The following OPA3 variants were observed in gnomAD, a reference collection of about 807,000 sequenced individuals.
OPA3 encodes the protein outer mitochondrial membrane lipid metabolism regulator OPA3, also known as optic atrophy 3 protein.
In OPA3, 6 loss-of-function variants were observed where a neutral mutation model predicts 4.0. That is an observed-to-expected ratio of 1.51 (90% CI 0.83 to 2.99). The LOEUF (loss-of-function observed/expected upper bound fraction) is 2.99, where lower values mean the gene tolerates loss of function less well. Among genes scored for constraint, OPA3 ranks in the 30% most tolerant of loss-of-function variants. The pLI is 0.00. For missense variants in OPA3, 235 were observed against 256.2 expected, an observed-to-expected ratio of 0.92 and a Z score of 0.56; for synonymous variants, 105 against 117.1, an observed-to-expected ratio of 0.90 and a Z score of 0.67.
chr19:45,538,314 A>C (rs1369184539), intron 1 of OPA3, among the ~76,000 whole-genome samples: 1 of 151,970 alleles, frequency 6.6e-6, no homozygotes, highest in East Asian at 1.9e-4. Context: ...CCAGCTCATC[A>C]GGAGGCTGAG....
At chr19:45,529,390 G>A (rs1852515527) in exon 2 of OPA3, 2 of 1,614,106 alleles carry the variant, frequency 1.2e-6, no homozygotes, top group South Asian at 1.1e-5. Context: ...CTCGTTCAGC[G>A]GCTTGATGGC....
chr19:45,535,762 CTTT>C (rs370775683), intron 1 of OPA3, among the ~76,000 whole-genome samples: 1 of 122,952 alleles, frequency 8.1e-6, no homozygotes, highest in Non-Finnish European at 1.7e-5. Flanking sequence ...TTTTTCTTTT[CTTT>C]TTTTTTTTTT....
intron 1 of OPA3, among the ~76,000 whole-genome samples, chr19:45,572,311 CATATAT>C (rs1969681404): frequency 8.4e-6 from 1 of 119,510 alleles, no homozygotes; most frequent in Non-Finnish European, 1.8e-5. Context: ...TATATATCGA[CATATAT>C]GAGATATATA....
intron 1 of OPA3, among the ~76,000 whole-genome samples, chr19:45,560,298 G>C (rs746911062): frequency 3.2e-4 from 48 of 152,132 alleles, no homozygotes; most frequent in Non-Finnish European, 6.0e-4. Context: ...GACTGCTCTG[G>C]GTCCTCACTG....
chr19:45,566,627 T>C (rs548634297), intron 1 of OPA3, among the ~76,000 whole-genome samples: 2 of 150,338 alleles, frequency 1.3e-5, no homozygotes, highest in Non-Finnish European at 3.0e-5. Flanking sequence ...CGTGCCACCA[T>C]GCCCAGCTAA....
intron 1 of OPA3, among the ~76,000 whole-genome samples, chr19:45,583,887 G>A (rs1022020917): frequency 2.6e-5 from 4 of 152,206 alleles, no homozygotes; most frequent in African/African-American, 7.2e-5. Context: ...CAGTTCCTCT[G>A]AGCTCCGGGG....
At chr19:45,554,520 G>T (rs1969391995) in intron 1 of OPA3, among the ~76,000 whole-genome samples, 1 of 152,224 alleles carries the variant, frequency 6.6e-6, no homozygotes, top group South Asian at 2.1e-4. Flanking sequence ...CTTGGTGGGA[G>T]CTCAAGAGGT....
intron 1 of OPA3, 170 bp downstream of exon 1, chr19:45,584,453 C>T: frequency 1.0e-6 from 1 of 984,692 alleles, no homozygotes; most frequent in East Asian, 1.1e-4. Flanking sequence ...GCCCCGCCCT[C>T]ACTACTGGGC....
At chr19:45,568,096 T>C (rs192744802) in intron 1 of OPA3, among the ~76,000 whole-genome samples, 1 of 152,212 alleles carries the variant, frequency 6.6e-6, no homozygotes, top group African/African-American at 2.4e-5. Flanking sequence ...CCTCCAAAGG[T>C]CAAGTGATTC....
Position 45,553,882 on chromosome 19 carries a change from T to C in OPA3, c.172A>G (p.Met58Val). 2 of 1,610,028 alleles carry C rather than the reference T, an allele frequency of 1.2e-6. No homozygotes were observed. The highest frequency in any genetic ancestry group is 8.5e-7 in the Non-Finnish European group (1 of 1,177,016). Residue 58 changes from methionine to valine, a missense_variant, in exon 2 of 2, where the codon ATG becomes GTG. Transcript: ENST00000263275. ...LYHWVEMRTK[M>V]RIMGFRGTVI... is the part of the protein sequence containing the mutation. ...GTGCCCCGGAAGCCCATGATGCGCA[T>C]CTTGGTCCGCATCTCCACCCAGTGA... is the stretch of plus-strand genomic sequence containing the variant.
chr19:45,572,849 A>AT (rs1052668611), intron 1 of OPA3, among the ~76,000 whole-genome samples: 27 of 142,602 alleles, frequency 1.9e-4, no homozygotes, highest in East Asian at 6.1e-4. Context: ...ATCTATATAT[A>AT]TTTTTTTTTT....
Position 45,529,118 on chromosome 19 carries a change from C to T in OPA3, c.481G>A (p.Ala161Thr), listed in dbSNP as rs1445523438. The T allele has an allele frequency of 5.6e-6, 9 of 1,606,386 alleles. No homozygotes were observed. Among genetic ancestry groups the T allele is most frequent in the Non-Finnish European group, 6.8e-6 (8 of 1,176,406 alleles). ...GGCGGGTCTCGGAGGCAGAGGTGGG[C>T]TCGCACCTCCTGCAGCTGAGCGCGC... Residue 161 changes from alanine to threonine, a missense_variant, in exon 2 of 2, where the codon GCC (alanine) becomes ACC (threonine). Physicochemically the swap from Ala to Thr is moderately conservative, Grantham distance 58. Transcript: ENST00000323060.
At chr19:45,570,978 T>TGGCG (rs1969654876) in intron 1 of OPA3, among the ~76,000 whole-genome samples, 1 of 66,168 alleles carries the variant, frequency 1.5e-5, no homozygotes, top group African/African-American at 5.6e-5. Flanking sequence ...CAAAACTATT[T>TGGCG]GGGGGGGGGG....
Position 45,580,262 on chromosome 19 carries a change from G to A in OPA3, c.142+4361C>T, listed in dbSNP as rs1245035764. ...GCCCACCTTGGCCTCCCAAAGTGTT[G>A]GGATTACAGGCGCGAGCCACTGCAC... On this transcript the variant is annotated intron_variant, in intron 1 of 1. Coordinates refer to ENST00000263275, the MANE Select transcript of OPA3 (RefSeq NM_025136.4). Among the ~76,000 whole-genome samples the A allele has an allele frequency of 2.0e-5, 3 of 150,222 alleles. No individual in the cohort carries two copies. The East Asian group carries it at 5.9e-4, about 29-fold the overall frequency.
chr19:45,556,118 T>G (rs916685730), intron 1 of OPA3, among the ~76,000 whole-genome samples: 21 of 152,108 alleles, frequency 1.4e-4, no homozygotes, highest in African/African-American at 4.8e-4. Flanking sequence ...ACTTGTCAAC[T>G]TGAAAATGCA....
intron 1 of OPA3, among the ~76,000 whole-genome samples, chr19:45,581,200 A>T (rs373693433): frequency 6.6e-6 from 1 of 152,218 alleles, no homozygotes; most frequent in African/African-American, 2.4e-5. Flanking sequence ...GAAATCTAAT[A>T]CTTTCCCATT....
rs1050720638 is a variant in OPA3, at chr19:45,553,656, A to C, written c.398T>G (p.Leu133Arg). Residue 133 changes from leucine to arginine, a missense_variant, in exon 2 of 2, where the codon CTG becomes CGG. Physicochemically the swap from Leu to Arg is moderately radical, Grantham distance 102. Coordinates refer to ENST00000263275, the MANE Select transcript of OPA3 (RefSeq NM_025136.4). ...RDEVGHLALA[L>R]EALQAQVQAA... ...CTGCACCTGCGCCTGCAGCGCTTCC[A>C]GCGCCAGCGCCAGGTGGCCCACCTC... The C allele has an allele frequency of 1.2e-6, 2 of 1,604,818 alleles. No homozygotes were observed. Among genetic ancestry groups the C allele is most frequent in the African/African-American group, 1.3e-5 (1 of 74,976 alleles).
rs988284549 is a variant in OPA3 at position 45,583,416 on chromosome 19, T to G, written c.142+1207A>C. Among the ~76,000 whole-genome samples, 3 of 151,936 alleles carry G rather than the reference T, an allele frequency of 2.0e-5. No homozygotes were observed. In the East Asian group the frequency reaches 5.8e-4, roughly 29 times the overall value. On this transcript the variant is annotated intron_variant, in intron 1 of 1. Coordinates refer to ENST00000263275, the MANE Select transcript of OPA3 (RefSeq NM_025136.4). ...ATCTGCCCACCTCGGCCTCCCAAAG[T>G]GCTGGGATTACAGGCGTGAGCCACC...
chr19:45,528,705 A>G, exon 2 of OPA3: 1 of 260,164 alleles, frequency 3.8e-6, no homozygotes, highest in Non-Finnish European at 7.3e-6. Context: ...TTTTGCCAAA[A>G]GAGGTGGACG....
Sources: allele counts gnomAD v4.1 joint callset (sites outside exome capture counted in the v4.1 genomes callset), GRCh38; gene constraint gnomAD v4.1.1; transcripts MANE v1.5; gene names NCBI Gene and HGNC (gene_info 2026-07-23, HGNC 2026-07-21).